Variants in NR3C2 observed in about 807,000 individuals in gnomAD.
The protein encoded by NR3C2 is mineralocorticoid receptor.
In NR3C2, 15 loss-of-function variants were observed where a neutral mutation model predicts 86.4. The ratio of observed to expected loss-of-function variants is 0.17; its 90% CI spans 0.12 to 0.27. NR3C2 has a LOEUF of 0.27. NR3C2 is among the 10% of genes least tolerant of loss of function. The pLI is 1.00. For missense variants in NR3C2, 960 were observed against 1,195.6 expected, an observed-to-expected ratio of 0.80 and a Z score of 2.91; for synonymous variants, 458 against 450.5, an observed-to-expected ratio of 1.02 and a Z score of -0.21.
At chr4:148,317,591 A>G (rs1743264916) in intron 2 of NR3C2, among the ~76,000 whole-genome samples, 1 of 152,164 alleles carries the variant, frequency 6.6e-6, no homozygotes, top group African/African-American at 2.4e-5. Flanking sequence ...GAGAGGGAGT[A>G]TGAGAATTTG....
At chr4:148,350,805 G>C (rs1181511628) in intron 2 of NR3C2, among the ~76,000 whole-genome samples, 1 of 152,022 alleles carries the variant, frequency 6.6e-6, no homozygotes, top group Non-Finnish European at 1.5e-5. Context: ...AAGTTTTATT[G>C]TTCAATAAAT....
intron 2 of NR3C2, among the ~76,000 whole-genome samples, chr4:148,333,152 T>A (rs981257556): frequency 1.3e-5 from 2 of 151,820 alleles, no homozygotes; most frequent in East Asian, 3.9e-4. Flanking sequence ...GTGCCTGTGG[T>A]CCCAGCTACT....
intron 2 of NR3C2, among the ~76,000 whole-genome samples, chr4:148,345,523 G>T (rs973306032): frequency 4.6e-5 from 7 of 151,874 alleles, no homozygotes; most frequent in African/African-American, 1.7e-4. Flanking sequence ...TATTTTTGAG[G>T]GGGGTAATCC....
chr4:148,401,452 A>C (rs59941204), intron 2 of NR3C2, among the ~76,000 whole-genome samples: 15,811 of 147,130 alleles, frequency 0.11, 902 homozygotes, highest in Middle Eastern at 0.12. Flanking sequence ...ACTTCTGATA[A>C]AGTTGTCTCT....
intron 2 of NR3C2, among the ~76,000 whole-genome samples, chr4:148,335,805 T>C (rs1744457811): frequency 6.6e-6 from 1 of 152,008 alleles, no homozygotes; most frequent in African/African-American, 2.4e-5. Context: ...TCTGAGACTT[T>C]AAGAAAATCA....
Position 148,436,719 on chromosome 4 carries a change from C to T in NR3C2, c.142G>A (p.Val48Ile), listed in dbSNP as rs772759369. 3 of 1,614,172 alleles carry T rather than the reference C, an allele frequency of 1.9e-6. No individual in the cohort carries two copies. Among genetic ancestry groups the T allele is most frequent in the East Asian group, 2.2e-5 (1 of 44,870 alleles). ...DENNYMEIVN[V>I]SCVSGAIPNN... Reference sequence around the variant, plus strand: ...GGAATAGCACCGGAAACACAGCTTACGTTGACAATCTCCATGTAGTTATTC... The same window carrying T: ...GGAATAGCACCGGAAACACAGCTTATGTTGACAATCTCCATGTAGTTATTC... The change falls in exon 2 of 9, where the codon GTA (valine) becomes ATA (isoleucine). Residue 48 changes from valine (V) to isoleucine (I), a missense_variant. By Grantham distance (29) the Val-to-Ile change is conservative (BLOSUM62 3). This residue lies in a region of NR3C2 where 680 missense variants were observed against 719.0 expected (regional missense o/e 0.95). Coordinates refer to ENST00000358102, the MANE Select transcript of NR3C2 (RefSeq NM_000901.5).
At chr4:148,112,491 T>C (rs1732088612) in intron 8 of NR3C2, among the ~76,000 whole-genome samples, 1 of 152,230 alleles carries the variant, frequency 6.6e-6, no homozygotes, top group African/African-American at 2.4e-5. Context: ...GGGAAGACTT[T>C]GCTCCAGTTC....
At chr4:148,134,641 CTCTT>C (rs1347666649) in intron 6 of NR3C2, among the ~76,000 whole-genome samples, 52 of 60,954 alleles carry the variant, frequency 8.5e-4, no homozygotes, top group Middle Eastern at 0.01. Context: ...CTCTCTCTCT[CTCTT>C]TTTTTTTTTT....
At chr4:148,422,552 T>C (rs933517964) in intron 2 of NR3C2, among the ~76,000 whole-genome samples, 2 of 152,110 alleles carry the variant, frequency 1.3e-5, no homozygotes, top group African/African-American at 4.8e-5. Context: ...AACTTCACCA[T>C]GTGATGGAAG....
intron 2 of NR3C2, among the ~76,000 whole-genome samples, chr4:148,274,051 C>G (rs770553659): frequency 7.0e-6 from 1 of 143,106 alleles, no homozygotes; most frequent in Admixed American, 7.1e-5. Context: ...AAAGAGAAAG[C>G]AGTGGGCTTG....
chr4:148,345,304 A>G (rs1217943262), intron 2 of NR3C2, among the ~76,000 whole-genome samples: 1 of 152,082 alleles, frequency 6.6e-6, no homozygotes, highest in African/African-American at 2.4e-5. Flanking sequence ...ATGAACATAT[A>G]TAAACACAGA....
rs528212597 is a variant in NR3C2, at chr4:148,413,743, TGAG to T, written c.1757+21358_1757+21360del. Among the ~76,000 whole-genome samples, 170 of 152,260 alleles carry T rather than the reference TGAG, an allele frequency of 1.1e-3. 1 individual carries two copies. Among genetic ancestry groups the T allele is most frequent in the Admixed American group, 3.0e-3 (46 of 15,298 alleles). ...GAAAATATGCCCAATTTTCCTGTAA[TGAG>T]GAGATTCACATTTAAATTACAAATG... On this transcript the variant is annotated intron_variant, in intron 2 of 8. Coordinates refer to ENST00000358102, the MANE Select transcript of NR3C2 (RefSeq NM_000901.5).
chr4:148,399,683 GAC>G (rs3045291), intron 2 of NR3C2, among the ~76,000 whole-genome samples: 27,282 of 150,526 alleles, frequency 0.18, 2,686 homozygotes, highest in African/African-American at 0.26. Context: ...TATATATACA[GAC>G]ACACACACAC....
At chr4:148,379,852 C>T (rs1392199458) in intron 2 of NR3C2, among the ~76,000 whole-genome samples, 1 of 146,984 alleles carries the variant, frequency 6.8e-6, no homozygotes, top group Non-Finnish European at 1.5e-5. Flanking sequence ...TTATTAAGTC[C>T]ATATTTCAGT....
At chr4:148,410,151 G>A (rs61758260) in intron 2 of NR3C2, among the ~76,000 whole-genome samples, 1 of 152,058 alleles carries the variant, frequency 6.6e-6, no homozygotes, top group African/African-American at 2.4e-5. Flanking sequence ...CCAACTTTTA[G>A]AAAATATGCT....
chr4:148,099,379 C>T (rs1220209856), intron 8 of NR3C2, among the ~76,000 whole-genome samples: 9 of 152,190 alleles, frequency 5.9e-5, no homozygotes, highest in African/African-American at 2.2e-4. Context: ...AGGTGGAGGG[C>T]TGGGCTGCCA....
In NR3C2 at chr4:148,202,216, G is replaced by C. The variant is rs1302442921; in HGVS notation, c.1898-7354C>G. On this transcript the variant is annotated intron_variant, in intron 3 of 8. Transcript: ENST00000358102. ...GATTCCTTCCCGTCCCCACAGAGAG[G>C]TGGTGCTGGGGCCTCAGATTGAGCC... Among the ~76,000 whole-genome samples the C allele has an allele frequency of 5.3e-5, 8 of 152,310 alleles. No homozygotes were observed. The South Asian group carries it at 1.0e-3, about 20-fold the overall frequency.
chr4:148,384,567 T>C (rs1747170168), intron 2 of NR3C2, among the ~76,000 whole-genome samples: 1 of 152,214 alleles, frequency 6.6e-6, no homozygotes, highest in South Asian at 2.1e-4. Context: ...TAAGATTCAG[T>C]ACACATTCCA....
intron 2 of NR3C2, among the ~76,000 whole-genome samples, chr4:148,333,407 G>A (rs1282934109): frequency 6.6e-6 from 1 of 152,176 alleles, no homozygotes; most frequent in South Asian, 2.1e-4. Context: ...TTTTAAGCTG[G>A]GCACATTGCT....
Sources: gnomAD v4.1 joint callset for allele counts (sites outside exome capture counted in the v4.1 genomes callset) on GRCh38, gnomAD v4.1.1 for gene constraint, gnomAD v4.1.1 regional missense constraint, MANE v1.5 for transcripts, NCBI Gene and HGNC (gene_info 2026-07-23, HGNC 2026-07-21) for gene names.